YES1: variants seen among roughly 807,000 people sequenced by gnomAD.
YES1 encodes the protein YES proto-oncogene 1, Src family tyrosine kinase.
In YES1, 39 loss-of-function variants were observed where a neutral mutation model predicts 70.4. The ratio of observed to expected loss-of-function variants is 0.55; its 90% CI spans 0.43 to 0.72. The LOEUF (loss-of-function observed/expected upper bound fraction) is 0.72. Among genes scored for constraint, YES1 ranks in the 30% least tolerant of loss-of-function variants. The probability of loss-of-function intolerance (pLI) is 0.00; values close to 1 mark genes in which losing one functional copy is unlikely to be tolerated. For missense variants in YES1, 495 were observed against 644.8 expected, an observed-to-expected ratio of 0.77 and a Z score of 2.52; for synonymous variants, 198 against 218.6, an observed-to-expected ratio of 0.91 and a Z score of 0.83.
At position 732,818 on chromosome 18, in the gene YES1, T is replaced by C; in HGVS notation, c.1423+16A>G. 6 of 1,614,144 alleles carry C rather than the reference T, an allele frequency of 3.7e-6. No homozygotes were observed. Among genetic ancestry groups the C allele is most frequent in the Non-Finnish European group, 5.1e-6 (6 of 1,179,988 alleles). ...CCACTCATGAGATAACCAAGAGCTA[T>C]AAAATGCAAGCTTACCTGGATATGG... On this transcript the variant is annotated intron_variant, in intron 11 of 11. Coordinates refer to ENST00000314574, the MANE Select transcript of YES1 (RefSeq NM_005433.4).
At chr18:775,866 G>A (rs1289350299) in intron 1 of YES1, among the ~76,000 whole-genome samples, 1 of 151,686 alleles carries the variant, frequency 6.6e-6, no homozygotes, top group Non-Finnish European at 1.5e-5. Context: ...TTCACTTAAC[G>A]ATGCTTCTGA....
chr18:739,556 C>T (rs191977013), intron 9 of YES1, 179 bp downstream of exon 9: 54 of 436,568 alleles, frequency 1.2e-4, no homozygotes, highest in African/African-American at 6.3e-4. Context: ...AAGCACGGAG[C>T]TATCAGTGCA....
chr18:812,256 C>A (rs541198694), upstream of YES1: 2 of 151,588 alleles, frequency 1.3e-5, no homozygotes, highest in Non-Finnish European at 2.9e-5. Flanking sequence ...AGAGCCGGCC[C>A]GGGACGCGTT....
Position 743,330 on chromosome 18 carries a change from C to T in YES1, c.810G>A (p.Trp270Ter). The change falls in exon 7 of 12, where the codon TGG (tryptophan) becomes TGA (stop). Residue 270 changes from tryptophan (W) to a stop codon, truncating the protein, a stop_gained. Transcript: ENST00000314574. LOFTEE classifies it high-confidence loss of function. ...GTCGCAAAGATTCTCGAGGGATTTC[C>T]CAAGCATCTTTTGCTAGACCTTGAG... ...PQTQGLAKDA[W>*]EIPRESLRLE... 6.2e-7 allele frequency: 1 copy of T among 1,612,522 alleles called. No homozygotes were observed. Among genetic ancestry groups the T allele is most frequent in the Non-Finnish European group, 8.5e-7 (1 of 1,180,014 alleles).
chr18:773,375 A>G (rs1905237924), intron 1 of YES1, among the ~76,000 whole-genome samples: 1 of 152,206 alleles, frequency 6.6e-6, no homozygotes, highest in African/African-American at 2.4e-5. Flanking sequence ...TGGAACCAAA[A>G]GGGCTTTGCT....
At chr18:765,547 T>C (rs1157026484) in intron 1 of YES1, among the ~76,000 whole-genome samples, 7 of 151,614 alleles carry the variant, frequency 4.6e-5, no homozygotes, top group African/African-American at 1.7e-4. Context: ...TACAGGCGTG[T>C]ACCACCACAC....
At chr18:777,222 T>TA (rs1324033999) in intron 1 of YES1, among the ~76,000 whole-genome samples, 1 of 152,208 alleles carries the variant, frequency 6.6e-6, no homozygotes, top group African/African-American at 2.4e-5. Context: ...GAACAGAGCC[T>TA]ATGACTCAAG....
intron 11 of YES1, among the ~76,000 whole-genome samples, chr18:728,831 G>T (rs562540758): frequency 9.9e-5 from 15 of 152,082 alleles, no homozygotes; most frequent in Admixed American, 5.9e-4. Context: ...GCTGCATTTC[G>T]GATTTTTGAA....
intron 9 of YES1, 133 bp from the exon 10 acceptor site, chr18:737,094 T>C (rs1013286020): frequency 2.6e-6 from 2 of 768,376 alleles, no homozygotes; most frequent in South Asian, 2.0e-5. Flanking sequence ...TAACAGGGTA[T>C]AGTCTAGAAG....
intron 1 of YES1, among the ~76,000 whole-genome samples, chr18:810,685 C>T (rs1907328639): frequency 6.6e-6 from 1 of 152,184 alleles, no homozygotes; most frequent in South Asian, 2.1e-4. Context: ...CATTTAAAAT[C>T]TCCACCGACT....
Position 756,605 on chromosome 18 carries a change from A to G in YES1, c.223T>C (p.Ser75Pro), listed in dbSNP as rs1200046320. ...SSGVTPFGGA[S>P]SSFSVVPSSY... ...CTTGGCACCACTGAAAATGAGGAAGATGCACCTCCAAAAGGCGTTACCCCT... is the reference window on the plus strand; with the variant it reads ...CTTGGCACCACTGAAAATGAGGAAGGTGCACCTCCAAAAGGCGTTACCCCT... The change falls in exon 2 of 12, where the codon TCT becomes CCT. Residue 75 changes from serine (S) to proline (P), a missense_variant. Around this residue, in one of 2 missense-constraint regions of YES1, gnomAD observed 110 missense variants for 104.0 expected, o/e 1.06. Coordinates refer to ENST00000314574, the MANE Select transcript of YES1 (RefSeq NM_005433.4). 11 of 1,614,190 alleles carry G rather than the reference A, an allele frequency of 6.8e-6. No individual in the cohort carries two copies. The South Asian group carries it at 8.8e-5, about 13-fold the overall frequency.
At chr18:807,821 T>C (rs1375824523) in intron 1 of YES1, among the ~76,000 whole-genome samples, 1 of 151,936 alleles carries the variant, frequency 6.6e-6, no homozygotes, top group Non-Finnish European at 1.5e-5. Flanking sequence ...GAAAGTAGAG[T>C]CCAAAGAACC....
At chr18:731,514 AG>A (rs1446333359) in intron 11 of YES1, among the ~76,000 whole-genome samples, 2 of 152,246 alleles carry the variant, frequency 1.3e-5, no homozygotes, top group Non-Finnish European at 2.9e-5. Flanking sequence ...CCATAAGATT[AG>A]CAAAACAGTT....
chr18:785,901 G>A (rs1206914880), intron 1 of YES1, among the ~76,000 whole-genome samples: 2 of 152,090 alleles, frequency 1.3e-5, no homozygotes, highest in Non-Finnish European at 2.9e-5. Flanking sequence ...TTGTGCCACT[G>A]CACTCCAGCC....
At chr18:762,312 C>A (rs1229282048) in intron 1 of YES1, among the ~76,000 whole-genome samples, 2 of 152,110 alleles carry the variant, frequency 1.3e-5, no homozygotes, top group Non-Finnish European at 2.9e-5. Context: ...AAGAGCGAAA[C>A]TCCATCTCAA....
intron 11 of YES1, among the ~76,000 whole-genome samples, chr18:727,998 CATA>C (rs59022424): frequency 3.9e-5 from 6 of 152,218 alleles, no homozygotes; most frequent in African/African-American, 1.4e-4. Context: ...TTTGCATATA[CATA>C]ATGAGATATC....
chr18:721,869 G>C lies in YES1; in HGVS notation c.*2555C>G, dbSNP rs548860115. On this transcript the variant is annotated 3_prime_UTR_variant, in exon 12 of 12. Coordinates refer to ENST00000314574, the MANE Select transcript of YES1 (RefSeq NM_005433.4). The stretch of plus-strand genomic sequence containing the variant: ...AAAAGTGTGCTAGAAGGCTGTTTTT[G>C]CCAACTTCCTTTTTTGGTAAGGGTT... The C allele has an allele frequency of 5.2e-5, 8 of 152,664 alleles. No individual in the cohort carries two copies. The highest frequency in any genetic ancestry group is 1.7e-4 in the African/African-American group (7 of 41,540). The allele number at this position is 152,664 out of a possible 1,614,324, so 9.5% of individuals were successfully genotyped here.
intron 8 of YES1, among the ~76,000 whole-genome samples, chr18:741,018 C>T (rs1803094835): frequency 6.6e-6 from 1 of 152,182 alleles, no homozygotes; most frequent in African/African-American, 2.4e-5. Context: ...GTGCCTCAGC[C>T]TCCCGAGCAG....
In YES1 at chr18:783,469, A is replaced by G. The variant is rs190100985; in HGVS notation, c.-8-26634T>C. 6.6e-5 allele frequency among the ~76,000 whole-genome samples: 10 copies of G among 152,292 alleles called. No individual in the cohort carries two copies. In the East Asian group the frequency reaches 1.2e-3, roughly 18 times the overall value. ...AAGGAATTAATATGAATGCAATGTT[A>G]TAACAAAATTGAATCTGAAAGCTCA... On this transcript the variant is annotated intron_variant, in intron 1 of 11. Transcript: ENST00000314574.
Sources: gnomAD v4.1 joint callset for allele counts (sites outside exome capture counted in the v4.1 genomes callset) on GRCh38, gnomAD v4.1.1 for gene constraint, gnomAD v4.1.1 regional missense constraint, MANE v1.5 for transcripts, NCBI Gene and HGNC (gene_info 2026-07-23, HGNC 2026-07-21) for gene names.